PHF3: variants seen among roughly 807,000 people sequenced by gnomAD.
PHF3 encodes PHD finger protein 3.
Under a neutral mutation model 178.4 loss-of-function variants are expected in PHF3, and 41 were observed. The observed-to-expected ratio is 0.23, with a 90% CI of 0.18 to 0.30. PHF3 has a LOEUF of 0.30. Among genes scored for constraint, PHF3 ranks in the 10% least tolerant of loss-of-function variants. PHF3 has a pLI of 1.00. For missense variants in PHF3, 2,346 were observed against 2,398.1 expected, an observed-to-expected ratio of 0.98 and a Z score of 0.45; for synonymous variants, 842 against 800.5, an observed-to-expected ratio of 1.05 and a Z score of -0.88.
At chr6:63,647,922 C>T (rs1022433422) in intron 2 of PHF3, among the ~76,000 whole-genome samples, 11 of 152,098 alleles carry the variant, frequency 7.2e-5, no homozygotes, top group Non-Finnish European at 1.5e-4. Context: ...ATTGACTAGA[C>T]TTTTTCTCCT....
At chr6:63,671,629 G>A (rs568934369) in intron 2 of PHF3, among the ~76,000 whole-genome samples, 32 of 152,258 alleles carry the variant, frequency 2.1e-4, no homozygotes, top group Admixed American at 1.4e-3. Flanking sequence ...AGCAAATGAA[G>A]GGTACTCAAA....
In PHF3 at chr6:63,711,176, G is replaced by T; in HGVS notation, c.3811G>T (p.Val1271Leu). 1.3e-6 allele frequency: 2 copies of T among 1,586,728 alleles called. No homozygotes were observed. Among genetic ancestry groups the T allele is most frequent in the Non-Finnish European group, 1.7e-6 (2 of 1,166,212 alleles). The change falls in exon 15 of 16, where the codon GTG (valine) becomes TTG (leucine). Residue 1271 changes from valine to leucine, a missense_variant. By Grantham distance (32) the Val-to-Leu change is conservative (BLOSUM62 1). Coordinates refer to ENST00000262043, the MANE Select transcript of PHF3 (RefSeq NM_001370348.2). Reference sequence around the variant, plus strand: ...TTATTTTCTTGAACAGGAAATTTGTGTGGTTCGCTTCACACCAGTAACTGA... The same window carrying T: ...TTATTTTCTTGAACAGGAAATTTGTTTGGTTCGCTTCACACCAGTAACTGA... The part of the protein sequence containing the change: ...IKASGTKEIC[V>L]VRFTPVTEED...
intron 1 of PHF3, 112 bp from the exon 2 acceptor site, chr6:63,646,415 C>A: frequency 1.6e-6 from 1 of 621,110 alleles, no homozygotes; most frequent in South Asian, 3.3e-5. Context: ...AACAACAATT[C>A]AGAAATACCT....
rs988297029 is a variant in PHF3 at position 63,713,951 on chromosome 6, A to T, written c.*243A>T. 2.9e-6 allele frequency: 1 copy of T among 348,998 alleles called. No homozygotes were observed. The highest frequency in any genetic ancestry group is 2.1e-5 in the African/African-American group (1 of 47,462). The allele number at this position is 348,998 out of a possible 1,614,324, so 21.6% of individuals were successfully genotyped here. ...ATTTTTAAAAGTTTTACATTGCTGT[A>T]TATTCAAAGATTTGTTTTATTAATA... On this transcript the variant is annotated 3_prime_UTR_variant, in exon 16 of 16. Transcript: ENST00000262043.
chr6:63,699,987 T>C (rs1008989429), intron 8 of PHF3, among the ~76,000 whole-genome samples: 2 of 152,182 alleles, frequency 1.3e-5, no homozygotes, highest in Non-Finnish European at 2.9e-5. Flanking sequence ...ATCTTAAAAC[T>C]ATGAAGACCA....
rs1767931592 is a variant in PHF3, at chr6:63,711,659, C to T, written c.4071C>T (p.Ala1357=). The change falls in exon 16 of 16, where the codon GCC becomes GCT. Residue 1357 remains alanine, a synonymous_variant. Transcript: ENST00000262043. The part of the protein sequence containing the change: ...IRQKLKRQHS[A]CASTSHIAET... ...AGAAACTGAAGCGACAGCACAGTGC[C>T]TGTGCTAGTACTAGTCATATAGCTG... 3.1e-6 allele frequency: 5 copies of T among 1,612,530 alleles called. No individual in the cohort carries two copies. Among genetic ancestry groups the T allele is most frequent in the African/African-American group, 1.3e-5 (1 of 74,754 alleles).
intron 1 of PHF3, among the ~76,000 whole-genome samples, chr6:63,640,503 T>G (rs1764526588): frequency 6.6e-6 from 1 of 152,248 alleles, no homozygotes. Flanking sequence ...GCATTTAATT[T>G]GTTTAGCACA....
At chr6:63,701,896 T>C (rs921841316) in intron 9 of PHF3, among the ~76,000 whole-genome samples, 1 of 152,208 alleles carries the variant, frequency 6.6e-6, no homozygotes, top group African/African-American at 2.4e-5. Flanking sequence ...TAAAGGATGA[T>C]TTGTACTTAA....
intron 11 of PHF3, among the ~76,000 whole-genome samples, chr6:63,705,472 A>C (rs1767650529): frequency 1.3e-5 from 2 of 152,176 alleles, no homozygotes; most frequent in South Asian, 4.1e-4. Context: ...TAGGGGTGCA[A>C]ACCCTATTGT....
intron 1 of PHF3, among the ~76,000 whole-genome samples, chr6:63,638,937 A>G (rs190779970): frequency 2.1e-4 from 32 of 152,302 alleles, no homozygotes; most frequent in African/African-American, 6.5e-4. Flanking sequence ...GATTAAACAT[A>G]CATGAGACCC....
intron 6 of PHF3, among the ~76,000 whole-genome samples, chr6:63,695,800 G>GTA (rs925892808): frequency 2.0e-5 from 3 of 152,152 alleles, no homozygotes; most frequent in Non-Finnish European, 1.5e-5. Context: ...TTGCTGATGG[G>GTA]TTAGATATAG....
rs1382506513 is a variant in PHF3 at position 63,721,905 on chromosome 6, T to G, written c.*8197T>G. ...TAAGTTTTAGTTATGGGGAAAAAAG[T>G]AACAGATCTTGAGCACAATTGTGTT... On this transcript the variant is annotated 3_prime_UTR_variant, in exon 16 of 16. Coordinates refer to ENST00000262043, the MANE Select transcript of PHF3 (RefSeq NM_001370348.2). The G allele has an allele frequency of 2.4e-5, 23 of 975,148 alleles. No homozygotes were observed. Among genetic ancestry groups the G allele is most frequent in the Non-Finnish European group, 3.4e-5 (23 of 672,476 alleles). 60.4% of individuals were successfully genotyped at this position (975,148 alleles called of 1,614,324 possible).
chr6:63,700,439 T>A lies in PHF3; in HGVS notation c.3072T>A (p.Ala1024=). 6.3e-7 allele frequency: 1 copy of A among 1,590,432 alleles called. No homozygotes were observed. The highest frequency in any genetic ancestry group is 8.6e-7 in the Non-Finnish European group (1 of 1,159,770). ...SPEELASKEL[A]AWRRRENRHT... ...AAGAACTAGCTTCTAAAGAGTTAGC[T>A]GCTTGGAGACGAAGAGAAAACAGAC... Residue 1024 remains alanine, a synonymous_variant, in exon 9 of 16, where the codon GCT becomes GCA. Coordinates refer to ENST00000262043, the MANE Select transcript of PHF3 (RefSeq NM_001370348.2).
chr6:63,660,499 C>G (rs2149555093), intron 2 of PHF3, among the ~76,000 whole-genome samples: 1 of 152,158 alleles, frequency 6.6e-6, no homozygotes, highest in East Asian at 1.9e-4. Flanking sequence ...AGGTAATATG[C>G]TAGGCAGTGG....
intron 3 of PHF3, 47 bp downstream of exon 3, chr6:63,680,208 C>G (rs369713410): frequency 2.7e-6 from 4 of 1,466,250 alleles, no homozygotes. Context: ...GGTATAGGGA[C>G]AGATGTGTTA....
rs1384577266 is a variant in PHF3, at chr6:63,724,494, G to T, written c.*10786G>T. Among the ~76,000 whole-genome samples, 1 of 152,052 alleles carries T rather than the reference G, an allele frequency of 6.6e-6. No homozygotes were observed. Among genetic ancestry groups the T allele is most frequent in the East Asian group, 1.9e-4 (1 of 5,200 alleles). On this transcript the variant is annotated 3_prime_UTR_variant, in exon 16 of 16. Transcript: ENST00000262043. ...GCAATGACTAGGCCTTTTTATACAC[G>T]TTGGGAGGATTATAACTATATCAGA...
chr6:63,682,300 T>C (rs1766473128), intron 3 of PHF3, among the ~76,000 whole-genome samples: 1 of 152,142 alleles, frequency 6.6e-6, no homozygotes, highest in Non-Finnish European at 1.5e-5. Context: ...TAGAATCATC[T>C]GGGACCACCA....
chr6:63,663,871 T>C (rs971594465), intron 2 of PHF3, among the ~76,000 whole-genome samples: 1 of 152,190 alleles, frequency 6.6e-6, no homozygotes, highest in Non-Finnish European at 1.5e-5. Context: ...CTATTAGATA[T>C]TGATTCCACT....
chr6:63,652,376 A>G (rs1765054128), intron 2 of PHF3, among the ~76,000 whole-genome samples: 1 of 152,166 alleles, frequency 6.6e-6, no homozygotes, highest in Middle Eastern at 3.4e-3. Context: ...TTGCTCATTT[A>G]AAAAATTGGA....
Sources: gnomAD v4.1 joint callset for allele counts (sites outside exome capture counted in the v4.1 genomes callset) on GRCh38, gnomAD v4.1.1 for gene constraint, MANE v1.5 for transcripts, NCBI Gene and HGNC (gene_info 2026-07-23, HGNC 2026-07-21) for gene names.